IRS4: variants seen among roughly 807,000 people sequenced by gnomAD.
The protein encoded by IRS4 is 160 kDa phosphotyrosine protein.
IRS4 carries 15 observed loss-of-function variants against 48.6 expected under a neutral mutation model. The ratio of observed to expected loss-of-function variants is 0.31; its 90% CI spans 0.21 to 0.48. The LOEUF is 0.48. IRS4 is among the 20% of genes least tolerant of loss of function. IRS4 has a pLI of 0.99. For synonymous variants in IRS4, 459 were observed against 413.2 expected, an observed-to-expected ratio of 1.11 and a Z score of -1.34; for missense variants, 987 against 1,023.4, an observed-to-expected ratio of 0.96 and a Z score of 0.49.
chrX:108,736,471 G>T lies in IRS4; in HGVS notation c.-127C>A, dbSNP rs2068955906. On this transcript the variant is annotated 5_prime_UTR_variant, in exon 1 of 2. Transcript: ENST00000372129. ...CCCTCCTGCCTTGGCCCGCGCCCCC[G>T]CCCACTCCACTCTGAGCGCACGACA... 3.8e-6 allele frequency: 4 copies of T among 1,052,655 alleles called. No homozygotes were observed. Among genetic ancestry groups the T allele is most frequent in the Non-Finnish European group, 3.8e-6 (3 of 779,390 alleles). 86.8% of individuals were successfully genotyped at this position (1,052,655 alleles called of 1,213,427 possible).
rs767401792 is a variant in IRS4 at position 108,722,121 on chromosome X, C to A, written c.*398G>T. On this transcript the variant is annotated 3_prime_UTR_variant, in exon 2 of 2. Coordinates refer to ENST00000372129, the MANE Select transcript of IRS4 (RefSeq NM_001379150.1). ...AAGTTTTTCAACTTCAAAATTGAATCTAAATATTTTACATTATTAAAATTG... is the reference window on the plus strand; with the variant it reads ...AAGTTTTTCAACTTCAAAATTGAATATAAATATTTTACATTATTAAAATTG... 2 of 111,769 alleles carry A rather than the reference C, an allele frequency of 1.8e-5. No homozygotes were observed. The highest frequency in any genetic ancestry group is 6.5e-5 in the African/African-American group (2 of 30,755). The allele number at this position is 111,769 out of a possible 1,213,427, so 9.2% of individuals were successfully genotyped here. A position where few individuals can be genotyped will look rare whatever the true frequency, so the allele number is the denominator to read the frequency against.
In IRS4 at chrX:108,736,123, G is replaced by A. The variant is rs764711634; in HGVS notation, c.222C>T (p.Pro74=). 2 of 1,208,912 alleles carry A rather than the reference G, an allele frequency of 1.7e-6. No homozygotes were observed. Among genetic ancestry groups the A allele is most frequent in the African/African-American group, 1.7e-5 (1 of 57,184 alleles). Residue 74 remains proline, a synonymous_variant, in exon 1 of 2, where the codon CCC becomes CCT. Transcript: ENST00000372129. ...SDSESEEEDL[P]VGEEVCKRGY... ...CGCGTTTGCAGACTTCCTCCCCGAC[G>A]GGCAGGTCCTCCTCTTCGGACTCGG...
rs763299892 is a variant in IRS4, at chrX:108,735,243, G to T, written c.1102C>A (p.Pro368Thr). The T allele has an allele frequency of 6.6e-6, 8 of 1,211,658 alleles. No individual in the cohort carries two copies. Among genetic ancestry groups the T allele is most frequent in the Non-Finnish European group, 8.9e-6 (8 of 895,577 alleles). ...RRHLGLVPLE[P>T]GGWLRRSRFE... ...CGGGACCTTCTGAGCCAGCCTCCCG[G>T]CTCGAGCGGCACCAAGCCCAGGTGC... Residue 368 changes from proline to threonine, a missense_variant, in exon 1 of 2, where the codon CCG becomes ACG. This residue lies in a region of IRS4 where 74 missense variants were observed against 100.4 expected (regional missense o/e 0.74). Coordinates refer to ENST00000372129, the MANE Select transcript of IRS4 (RefSeq NM_001379150.1).
At position 108,733,035 on chromosome X, in the gene IRS4, G is replaced by A; in HGVS notation, c.3310C>T (p.Pro1104Ser). Residue 1104 changes from proline to serine, a missense_variant, in exon 1 of 2, where the codon CCA (proline) becomes TCA (serine). Transcript: ENST00000372129. Reference sequence around the variant, plus strand: ...AGGTCTCTCTCGAGGCTGTCTGTTGGAAAAGCAGAGACAGCGGCTCTGGCT... The same window carrying A: ...AGGTCTCTCTCGAGGCTGTCTGTTGAAAAAGCAGAGACAGCGGCTCTGGCT... Reference protein sequence around the residue: ...AAARAAVSAFPTDSLERDLSP... With the variant: ...AAARAAVSAFSTDSLERDLSP... 1 of 1,211,652 alleles carries A rather than the reference G, an allele frequency of 8.3e-7. No individual in the cohort carries two copies. The highest frequency in any genetic ancestry group is 1.1e-6 in the Non-Finnish European group (1 of 895,329).
chrX:108,723,928 G>A (rs946721217), intron 1 of IRS4: 4 of 112,454 alleles, frequency 3.6e-5, no homozygotes, highest in Admixed American at 9.4e-5. Flanking sequence ...AATTAGGCTA[G>A]ACCAGTACCA....
intron 1 of IRS4, chrX:108,722,980 T>G (rs995866271): frequency 1.8e-5 from 2 of 113,161 alleles, no homozygotes; most frequent in Non-Finnish European, 3.7e-5. Context: ...ATTGAATTTC[T>G]TCTAATAGAA....
chrX:108,734,072 G>C lies in IRS4; in HGVS notation c.2273C>G (p.Pro758Arg). The C allele has an allele frequency of 1.7e-6, 2 of 1,211,619 alleles. No individual in the cohort carries two copies. The highest frequency in any genetic ancestry group is 2.2e-6 in the Non-Finnish European group (2 of 895,487). ...PRVSPPPAPS[P>R]PKAPDTNKED... ...TTTATTAGTATCAGGTGCTTTTGGAGGACTCGGAGCAGGTGGTGGGCTCAC... is the reference window on the plus strand; with the variant it reads ...TTTATTAGTATCAGGTGCTTTTGGACGACTCGGAGCAGGTGGTGGGCTCAC... Residue 758 changes from proline to arginine, a missense_variant, in exon 1 of 2, where the codon CCT becomes CGT. Pro to Arg is a moderately radical substitution (Grantham distance 103). Around this residue, in one of 4 missense-constraint regions of IRS4, gnomAD observed 720 missense variants for 660.3 expected, o/e 1.09. Coordinates refer to ENST00000372129, the MANE Select transcript of IRS4 (RefSeq NM_001379150.1).
chrX:108,734,346 A>G lies in IRS4; in HGVS notation c.1999T>C (p.Cys667Arg), dbSNP rs1335085070. The change falls in exon 1 of 2, where the codon TGC (cysteine) becomes CGC (arginine). Residue 667 changes from cysteine to arginine, a missense_variant. Cys to Arg is a radical substitution (Grantham distance 180). Transcript: ENST00000372129. ...FCVDRGATKE[C>R]KEAKEVKDAE... The stretch of plus-strand genomic sequence containing the variant: ...TCTTTCACTTCTTTGGCTTCTTTGC[A>G]TTCTTTCGTGGCTCCTCTGTCAACA... 1.7e-6 allele frequency: 2 copies of G among 1,208,729 alleles called. No homozygotes were observed. Among genetic ancestry groups the G allele is most frequent in the African/African-American group, 3.5e-5 (2 of 56,687 alleles).
chrX:108,724,665 T>C (rs1388373788), intron 1 of IRS4: 1 of 111,904 alleles, frequency 8.9e-6, no homozygotes, highest in Non-Finnish European at 1.9e-5. Flanking sequence ...GCAAAATGAA[T>C]ATTAAAGGGC....
At chrX:108,723,474 G>A (rs2068862983) in intron 1 of IRS4, 1 of 112,079 alleles carries the variant, frequency 8.9e-6, no homozygotes, top group Admixed American at 9.4e-5. Flanking sequence ...TTTTTAAAAT[G>A]TAACAAATTT....
At position 108,733,853 on chromosome X, in the gene IRS4, A is replaced by T; in HGVS notation, c.2492T>A (p.Met831Lys). ...CCTCCCCAGGAACTTTCCAGGTAACATTGGCACATACTCACTGTTGTCATT... is the reference window on the plus strand; with the variant it reads ...CCTCCCCAGGAACTTTCCAGGTAACTTTGGCACATACTCACTGTTGTCATT... Reference protein sequence around the residue: ...GQNDNSEYVPMLPGKFLGRGL... With the variant: ...GQNDNSEYVPKLPGKFLGRGL... Residue 831 changes from methionine (M) to lysine (K), a missense_variant, in exon 1 of 2, where the codon ATG (methionine) becomes AAG (lysine). By Grantham distance (95) the Met-to-Lys change is moderately conservative. This residue lies in a region of IRS4 where 720 missense variants were observed against 660.3 expected (regional missense o/e 1.09). Coordinates refer to ENST00000372129, the MANE Select transcript of IRS4 (RefSeq NM_001379150.1). 8.3e-7 allele frequency: 1 copy of T among 1,211,382 alleles called. No individual in the cohort carries two copies.
In IRS4 at chrX:108,733,727, G is replaced by A; in HGVS notation, c.2618C>T (p.Pro873Leu). ...SFSKPGDGGS[P>L]SKPSDHEPPK... ...GGGCTCATGATCTGAAGGCTTTGAA[G>A]GTGATCCCCCATCTCCAGGCTTTGA... Residue 873 changes from proline (P) to leucine (L), a missense_variant, in exon 1 of 2, where the codon CCT becomes CTT. Physicochemically the swap from Pro to Leu is moderately conservative, Grantham distance 98. Transcript: ENST00000372129. The A allele has an allele frequency of 1.7e-6, 2 of 1,211,795 alleles. No homozygotes were observed. Among genetic ancestry groups the A allele is most frequent in the Non-Finnish European group, 2.2e-6 (2 of 895,534 alleles).
At chrX:108,725,497 G>T (rs1207339327) in intron 1 of IRS4, among the ~76,000 whole-genome samples, 1 of 103,449 alleles carries the variant, frequency 9.7e-6, no homozygotes, top group Non-Finnish European at 1.9e-5. Flanking sequence ...AGAAAGATAT[G>T]TTGAAGCATA....
Position 108,732,814 on chromosome X carries a change from T to G in IRS4, c.3531A>C (p.Gly1177=). Residue 1177 remains glycine (G), a synonymous_variant, in exon 1 of 2, where the codon GGA becomes GGC. Transcript: ENST00000372129. ...ANAADAEAVR[G]AQDVAGGSNP... is the part of the protein sequence containing the mutation. ...TCGAGCCACCGGCAACGTCTTGGGC[T>G]CCCCTTACTGCTTCGGCATCAGCAG... 1 of 1,184,162 alleles carries G rather than the reference T, an allele frequency of 8.4e-7. No individual in the cohort carries two copies. The highest frequency in any genetic ancestry group is 1.1e-6 in the Non-Finnish European group (1 of 880,720).
Position 108,732,378 on chromosome X carries a change from CAGAT to C in IRS4, c.3766+197_3766+200del, listed in dbSNP as rs2068906665. 2.1e-5 allele frequency: 12 copies of C among 582,738 alleles called. No homozygotes were observed. The Admixed American group carries it at 4.3e-4, about 21-fold the overall frequency. 48.0% of individuals were successfully genotyped at this position (582,738 alleles called of 1,213,427 possible). ...TGTTTAAATGATAATCAGTTCTGTC[CAGAT>C]AAAGAAATTGATTAGATAAAAACAA... On this transcript the variant is annotated intron_variant, in intron 1 of 1. Coordinates refer to ENST00000372129, the MANE Select transcript of IRS4 (RefSeq NM_001379150.1).
intron 1 of IRS4, among the ~76,000 whole-genome samples, chrX:108,728,155 C>G (rs1001132363): frequency 2.7e-5 from 3 of 111,933 alleles, no homozygotes; most frequent in South Asian, 3.7e-4. Flanking sequence ...TAGATACATA[C>G]ACTATTTGTG....
Position 108,732,808 on chromosome X carries a change from T to G in IRS4, c.3537A>C (p.Gln1179His), listed in dbSNP as rs200253852. ...AADAEAVRGA[Q>H]DVAGGSNPGA... Reference sequence around the variant, plus strand: ...CAGGGTTCGAGCCACCGGCAACGTCTTGGGCTCCCCTTACTGCTTCGGCAT... The same window carrying G: ...CAGGGTTCGAGCCACCGGCAACGTCGTGGGCTCCCCTTACTGCTTCGGCAT... Residue 1179 changes from glutamine to histidine, a missense_variant, in exon 1 of 2, where the codon CAA becomes CAC. Gln to His is a conservative substitution (Grantham distance 24, BLOSUM62 0). Around this residue, in one of 4 missense-constraint regions of IRS4, gnomAD observed 720 missense variants for 660.3 expected, o/e 1.09. Coordinates refer to ENST00000372129, the MANE Select transcript of IRS4 (RefSeq NM_001379150.1). 4 of 1,188,537 alleles carry G rather than the reference T, an allele frequency of 3.4e-6. 1 individual carries two copies. In the African/African-American group the frequency reaches 7.1e-5, roughly 21 times the overall value.
chrX:108,732,373 C>A, intron 1 of IRS4: 2 of 562,418 alleles, frequency 3.6e-6, no homozygotes, highest in South Asian at 3.2e-5. Flanking sequence ...ATAATCAGTT[C>A]TGTCCAGATA....
chrX:108,730,343 G>A (rs866310902), intron 1 of IRS4, among the ~76,000 whole-genome samples: 65 of 18,077 alleles, frequency 3.6e-3, no homozygotes, highest in Non-Finnish European at 5.7e-3. Context: ...GCACCCCCCC[G>A]CCGGCAATCC....
Sources: gnomAD v4.1 joint callset for allele counts (sites outside exome capture counted in the v4.1 genomes callset) on GRCh38, gnomAD v4.1.1 for gene constraint, gnomAD v4.1.1 regional missense constraint, MANE v1.5 for transcripts, NCBI Gene and HGNC (gene_info 2026-07-23, HGNC 2026-07-21) for gene names.